Variants in CBFA2T2 observed in about 807,000 individuals in gnomAD.
CBFA2T2 encodes the protein CBFA2/RUNX1 partner transcriptional co-repressor 2, also known as protein CBFA2T2.
A neutral mutation model predicts 62.2 loss-of-function variants in CBFA2T2; 11 were observed. The ratio of observed to expected loss-of-function variants is 0.18; its 90% CI spans 0.11 to 0.29. CBFA2T2 has a LOEUF of 0.29. CBFA2T2 is among the 10% of genes least tolerant of loss of function. CBFA2T2 has a pLI of 1.00. For missense variants in CBFA2T2, 592 were observed against 774.1 expected (o/e 0.76, Z 2.79); for synonymous variants, 295 against 287.5 (o/e 1.03, Z -0.27).
chr20:33,589,270 A>G (rs545422270), intron 1 of CBFA2T2, among the ~76,000 whole-genome samples: 1 of 152,322 alleles, frequency 6.6e-6, no homozygotes, highest in South Asian at 2.1e-4. Context: ...GAGAGCAGCC[A>G]GTTGCAGAGG....
intron 10 of CBFA2T2, among the ~76,000 whole-genome samples, chr20:33,641,800 C>A (rs967019655): frequency 6.6e-6 from 1 of 151,618 alleles, no homozygotes; most frequent in Non-Finnish European, 1.5e-5. Flanking sequence ...CCAGGCTAAT[C>A]TTGAACTCCT....
chr20:33,624,008 G>A (rs2016112776), intron 5 of CBFA2T2: 2 of 557,712 alleles, frequency 3.6e-6, no homozygotes, highest in Non-Finnish European at 6.4e-6. Context: ...AATACAATCT[G>A]CCAAATGCCT....
chr20:33,649,869 A>C lies in CBFA2T2; in HGVS notation c.*5223A>C, dbSNP rs1053585903. The C allele has an allele frequency of 6.6e-6, 1 of 152,650 alleles. No individual in the cohort carries two copies. The highest frequency in any genetic ancestry group is 1.5e-5 in the Non-Finnish European group (1 of 68,040). 9.5% of individuals were successfully genotyped at this position (152,650 alleles called of 1,614,324 possible). On this transcript the variant is annotated 3_prime_UTR_variant, in exon 11 of 11. Transcript: ENST00000342704. Reference sequence around the variant, plus strand: ...TGTGACACCACCCACAGAATGCATTAGAATCTGGTTTTTCTGTGCTTTGTC... The same window carrying C: ...TGTGACACCACCCACAGAATGCATTCGAATCTGGTTTTTCTGTGCTTTGTC...
intron 6 of CBFA2T2, among the ~76,000 whole-genome samples, chr20:33,626,926 C>T (rs564760465): frequency 1.1e-4 from 16 of 152,200 alleles, no homozygotes; most frequent in African/African-American, 3.9e-4. Flanking sequence ...AATTGTTATC[C>T]CCTTTTTACA....
intron 1 of CBFA2T2, among the ~76,000 whole-genome samples, chr20:33,498,664 G>T (rs2011231557): frequency 6.6e-6 from 1 of 152,086 alleles, no homozygotes; most frequent in South Asian, 2.1e-4. Context: ...TAGGAGGATC[G>T]CTTGAGCCCA....
rs1601138684 is a variant in CBFA2T2, at chr20:33,649,324, C to T, written c.*4678C>T. ...GGTGGGGGCTGTGCCAGCGGCTCCGCAGGGCCCTTCCAACTCTGGAGTGTC... is the reference window on the plus strand; with the variant it reads ...GGTGGGGGCTGTGCCAGCGGCTCCGTAGGGCCCTTCCAACTCTGGAGTGTC... On this transcript the variant is annotated 3_prime_UTR_variant, in exon 11 of 11. Coordinates refer to ENST00000342704, the MANE Select transcript of CBFA2T2 (RefSeq NM_001032999.3). 6.5e-6 allele frequency: 1 copy of T among 152,700 alleles called. No individual in the cohort carries two copies. Among genetic ancestry groups the T allele is most frequent in the Non-Finnish European group, 1.5e-5 (1 of 68,078 alleles). The allele number at this position is 152,700 out of a possible 1,614,324, so 9.5% of individuals were successfully genotyped here.
intron 1 of CBFA2T2, among the ~76,000 whole-genome samples, chr20:33,592,895 A>G (rs1481786193): frequency 6.6e-6 from 1 of 152,166 alleles, no homozygotes; most frequent in Non-Finnish European, 1.5e-5. Context: ...AAGAAGCTGA[A>G]TATCTACATC....
intron 10 of CBFA2T2, among the ~76,000 whole-genome samples, chr20:33,641,125 T>C (rs373143098): frequency 1.3e-5 from 2 of 151,868 alleles, no homozygotes; most frequent in South Asian, 4.2e-4. Context: ...CTCCACCTCC[T>C]GGGTTCACGC....
In CBFA2T2 at chr20:33,595,800, A is replaced by G. The variant is rs141881963; in HGVS notation, c.35-11156A>G. Among the ~76,000 whole-genome samples, 436 of 152,266 alleles carry G rather than the reference A, an allele frequency of 2.9e-3. 1 individual carries two copies. The highest frequency in any genetic ancestry group is 0.01 in the African/African-American group (421 of 41,556). ...CTCGATCCACCTGCCTCAGCCTCCC[A>G]AAGTGCTGGGATTACAGACGTGAAC... On this transcript the variant is annotated intron_variant, in intron 1 of 10. Transcript: ENST00000342704.
intron 1 of CBFA2T2, among the ~76,000 whole-genome samples, chr20:33,585,191 C>T (rs1477281819): frequency 6.6e-6 from 1 of 152,096 alleles, no homozygotes; most frequent in Admixed American, 6.6e-5. Context: ...GTTAGGAATG[C>T]GTGGCATTCA....
intron 1 of CBFA2T2, among the ~76,000 whole-genome samples, chr20:33,599,000 C>T (rs1195626630): frequency 1.3e-5 from 2 of 150,486 alleles, no homozygotes; most frequent in Non-Finnish European, 3.0e-5. Context: ...GTGGCTTACG[C>T]CTGTAATCCC....
At chr20:33,603,296 A>G (rs1244204210) in intron 1 of CBFA2T2, among the ~76,000 whole-genome samples, 1 of 152,124 alleles carries the variant, frequency 6.6e-6, no homozygotes, top group Non-Finnish European at 1.5e-5. Flanking sequence ...TTATTCTTTC[A>G]TCTGTTTTCT....
At chr20:33,536,617 A>T (rs1246814667) in intron 1 of CBFA2T2, among the ~76,000 whole-genome samples, 6 of 147,610 alleles carry the variant, frequency 4.1e-5, no homozygotes, top group Admixed American at 6.7e-5. Context: ...CACTTCTCAG[A>T]CGGGGCGGTT....
chr20:33,515,683 C>T (rs754965317), intron 1 of CBFA2T2, among the ~76,000 whole-genome samples: 1 of 151,296 alleles, frequency 6.6e-6, no homozygotes, highest in African/African-American at 2.4e-5. Context: ...TACCTGTAAT[C>T]CCAGCTAATT....
chr20:33,564,458 T>C (rs1260321353), intron 1 of CBFA2T2, among the ~76,000 whole-genome samples: 2 of 152,088 alleles, frequency 1.3e-5, no homozygotes, highest in Non-Finnish European at 2.9e-5. Context: ...GGTTTTACCA[T>C]GTTGGTCAGG....
At chr20:33,612,077 A>G (rs2015552134) in intron 3 of CBFA2T2, among the ~76,000 whole-genome samples, 1 of 152,224 alleles carries the variant, frequency 6.6e-6, no homozygotes, top group Admixed American at 6.5e-5. Context: ...TGGCCTAAAT[A>G]AATACTATCA....
At chr20:33,602,728 G>A (rs1337050867) in intron 1 of CBFA2T2, among the ~76,000 whole-genome samples, 4 of 152,122 alleles carry the variant, frequency 2.6e-5, no homozygotes, top group Admixed American at 2.6e-4. Flanking sequence ...GTAGATGTCA[G>A]CAACCTCAGC....
At position 33,642,105 on chromosome 20, in the gene CBFA2T2, C is replaced by CT. The variant is rs576434212; in HGVS notation, c.1488+1586dup. On this transcript the variant is annotated intron_variant, in intron 10 of 10. Coordinates refer to ENST00000342704, the MANE Select transcript of CBFA2T2 (RefSeq NM_001032999.3). ...TTTTCGTTCTCTCCTCCTCCTTTGT[C>CT]TTTTTTTTTTTTGTGTGTGTGTGTG... Among the ~76,000 whole-genome samples, 96 of 73,952 alleles carry CT rather than the reference C, an allele frequency of 1.3e-3. 2 individuals are homozygous for CT. The East Asian group carries it at 0.029, about 22-fold the overall frequency. 48.5% of individuals were successfully genotyped at this position (73,952 alleles called of 152,430 possible).
At chr20:33,634,438 G>A (rs2016556611) in intron 8 of CBFA2T2, among the ~76,000 whole-genome samples, 1 of 152,076 alleles carries the variant, frequency 6.6e-6, no homozygotes, top group Non-Finnish European at 1.5e-5. Flanking sequence ...TTGAGAGGCA[G>A]AGGCTGGCAA....
Sources: allele counts gnomAD v4.1 joint callset (sites outside exome capture counted in the v4.1 genomes callset), GRCh38; gene constraint gnomAD v4.1.1; transcripts MANE v1.5; gene names NCBI Gene and HGNC (gene_info 2026-07-23, HGNC 2026-07-21).